DPP10: variants seen among roughly 807,000 people sequenced by gnomAD.
DPP10 encodes dipeptidyl peptidase like 10.
Under a neutral mutation model 120.9 loss-of-function variants are expected in DPP10, and 33 were observed. The observed-to-expected ratio is 0.27, with a 90% confidence interval of 0.21 to 0.37. The LOEUF (loss-of-function observed/expected upper bound fraction) is 0.37. Among genes scored for constraint, DPP10 ranks in the 10% least tolerant of loss-of-function variants. The pLI, the probability that DPP10 is intolerant of heterozygous loss-of-function variation, is 1.00. For missense variants in DPP10, 816 were observed against 942.8 expected (o/e 0.87, Z 1.76); for synonymous variants, 337 against 326.1 (o/e 1.03, Z -0.36).
chr2:115,001,814 C>G (rs1218500591), intron 1 of DPP10, among the ~76,000 whole-genome samples: 3 of 152,142 alleles, frequency 2.0e-5, no homozygotes, highest in African/African-American at 4.8e-5. Flanking sequence ...TCTAGGAATA[C>G]AGCTAACCAG....
chr2:114,871,507 C>T (rs1165189679), intron 1 of DPP10, among the ~76,000 whole-genome samples: 1 of 152,048 alleles, frequency 6.6e-6, no homozygotes. Flanking sequence ...TAGAGAAGAT[C>T]TAATAAAGGA....
At chr2:115,667,073 T>G (rs560723711) in intron 5 of DPP10, among the ~76,000 whole-genome samples, 2 of 152,324 alleles carry the variant, frequency 1.3e-5, no homozygotes, top group South Asian at 4.1e-4. Context: ...CTTTACCATC[T>G]CATTGTTATA....
intron 5 of DPP10, among the ~76,000 whole-genome samples, chr2:115,672,678 T>TTCTCTTTCTTTCTTTC (rs1559010436): frequency 6.9e-5 from 1 of 14,456 alleles, no homozygotes; most frequent in Admixed American, 1.0e-3. Context: ...CTCTCTTTCT[T>TTCTCTTTCTTTCTTTC]TCTCTTTCTT....
intron 5 of DPP10, among the ~76,000 whole-genome samples, chr2:115,608,645 C>G (rs1181759818): frequency 2.0e-5 from 3 of 152,040 alleles, no homozygotes; most frequent in Non-Finnish European, 2.9e-5. Context: ...TTCCAACAAG[C>G]CTTTAGCATC....
chr2:115,390,996 G>T (rs1474929577), intron 3 of DPP10, among the ~76,000 whole-genome samples: 1 of 151,972 alleles, frequency 6.6e-6, no homozygotes, highest in Admixed American at 6.6e-5. Flanking sequence ...TCCTAGTATT[G>T]GTGTATGGAG....
chr2:115,752,950 T>A (rs1019248752), intron 10 of DPP10, among the ~76,000 whole-genome samples: 27 of 152,152 alleles, frequency 1.8e-4, no homozygotes, highest in African/African-American at 6.5e-4. Flanking sequence ...TACATATGTA[T>A]ACATCCATGT....
chr2:115,468,277 T>A, intron 3 of DPP10: 1 of 511,302 alleles, frequency 2.0e-6, no homozygotes, highest in Non-Finnish European at 3.9e-6. Flanking sequence ...GATGTCAGTG[T>A]CATGTCCTCC....
At chr2:115,781,513 T>A (rs1017721172) in intron 16 of DPP10, among the ~76,000 whole-genome samples, 3 of 151,946 alleles carry the variant, frequency 2.0e-5, no homozygotes, top group Non-Finnish European at 4.4e-5. Context: ...TTATACAGTA[T>A]CTCTACAATA....
intron 5 of DPP10, among the ~76,000 whole-genome samples, chr2:115,581,941 CCTT>C (rs1450546862): frequency 1.3e-5 from 2 of 152,106 alleles, no homozygotes; most frequent in African/African-American, 4.8e-5. Context: ...TCTATTCTTG[CCTT>C]CTTTGAGGAA....
chr2:115,441,121 G>C (rs1310560307), intron 3 of DPP10, among the ~76,000 whole-genome samples: 6 of 152,132 alleles, frequency 3.9e-5, no homozygotes, highest in Admixed American at 3.9e-4. Flanking sequence ...TAAAAACAAG[G>C]TTAGGCATTT....
At chr2:115,740,328 C>T (rs1677096794) in intron 9 of DPP10, among the ~76,000 whole-genome samples, 1 of 151,916 alleles carries the variant, frequency 6.6e-6, no homozygotes, top group African/African-American at 2.4e-5. Context: ...TCTTAGAGCA[C>T]TTAATGTGCT....
intron 5 of DPP10, chr2:115,580,324 C>T (rs942900567): frequency 3.3e-5 from 5 of 152,064 alleles, no homozygotes; most frequent in Non-Finnish European, 7.4e-5. Flanking sequence ...TTTAGAAATG[C>T]TATTACTGAA....
chr2:115,098,994 C>A (rs551216216), intron 1 of DPP10, among the ~76,000 whole-genome samples: 1 of 151,968 alleles, frequency 6.6e-6, no homozygotes, highest in Admixed American at 6.6e-5. Flanking sequence ...TCAAGAATCA[C>A]CAGGTTTAGG....
At chr2:114,690,453 T>C (rs764936528) in intron 1 of DPP10, among the ~76,000 whole-genome samples, 3 of 152,068 alleles carry the variant, frequency 2.0e-5, no homozygotes, top group Non-Finnish European at 4.4e-5. Flanking sequence ...TGTCTGTTCT[T>C]GTACCCGTAC....
At chr2:115,080,885 ATG>A in intron 1 of DPP10, among the ~76,000 whole-genome samples, 1 of 152,178 alleles carries the variant, frequency 6.6e-6, no homozygotes, top group Non-Finnish European at 1.5e-5. Context: ...CATTCCTGAA[ATG>A]TTCTCTAGAT....
chr2:115,235,660 C>G (rs538155555), intron 1 of DPP10, among the ~76,000 whole-genome samples: 3 of 152,232 alleles, frequency 2.0e-5, no homozygotes, highest in African/African-American at 7.2e-5. Context: ...CTCCCTGATT[C>G]AAGCGATTGT....
intron 1 of DPP10, among the ~76,000 whole-genome samples, chr2:115,239,445 G>A (rs1165557300): frequency 1.3e-5 from 2 of 152,116 alleles, no homozygotes; most frequent in Admixed American, 6.6e-5. Context: ...GCTAGTAATA[G>A]CAAGGCAAGT....
At chr2:115,133,145 G>GTATATATATATATATATATATA (rs1246180843) in intron 1 of DPP10, among the ~76,000 whole-genome samples, 5 of 28,762 alleles carry the variant, frequency 1.7e-4, no homozygotes, top group Admixed American at 5.2e-4. Context: ...GTGTGTGTGT[G>GTATATATATATATATATATATA]TATATATATA....
chr2:114,809,463 A>C lies in DPP10; in HGVS notation c.60+366625A>C, dbSNP rs568959352. 8.5e-5 allele frequency among the ~76,000 whole-genome samples: 13 copies of C among 152,206 alleles called. No homozygotes were observed. The South Asian group carries it at 2.7e-3, about 31-fold the overall frequency. On this transcript the variant is annotated intron_variant, in intron 1 of 25. Coordinates refer to ENST00000410059, the MANE Select transcript of DPP10 (RefSeq NM_020868.6). ...CTCTCATATTTTTGAAGCTTCGATAAAAGTAGTCGATGCTGGAAAACTGTC... is the reference window on the plus strand; with the variant it reads ...CTCTCATATTTTTGAAGCTTCGATACAAGTAGTCGATGCTGGAAAACTGTC...
Sources: gnomAD v4.1 joint callset for allele counts (sites outside exome capture counted in the v4.1 genomes callset) on GRCh38, gnomAD v4.1.1 for gene constraint, MANE v1.5 for transcripts, NCBI Gene and HGNC (gene_info 2026-07-23, HGNC 2026-07-21) for gene names.